Variants in SLC2A14 observed in about 807,000 individuals in gnomAD.
SLC2A14 encodes the protein solute carrier family 2, facilitated glucose transporter member 14.
A neutral mutation model predicts 43.0 loss-of-function variants in SLC2A14; 13 were observed. The observed-to-expected ratio is 0.30, with a 90% CI of 0.20 to 0.48. The LOEUF (loss-of-function observed/expected upper bound fraction) is 0.48. Among genes scored for constraint, SLC2A14 ranks in the 20% least tolerant of loss-of-function variants. The pLI, the probability that SLC2A14 is intolerant of heterozygous loss-of-function variation, is 0.99. For synonymous variants in SLC2A14, 190 were observed against 233.8 expected (o/e 0.81, Z 1.71); for missense variants, 428 against 620.4 (o/e 0.69, Z 3.29).
chr12:7,875,015 AATTATATATAAATACATATATAAAT>A, upstream of SLC2A14, among the ~76,000 whole-genome samples: 1 of 107,468 alleles, frequency 9.3e-6, no homozygotes, highest in South Asian at 2.7e-4. Flanking sequence ...CATATATAAA[AATTATATATAAATACATATATAAAT>A]ATATATTTAT....
chr12:7,844,789 G>A, intron 2 of SLC2A14, among the ~76,000 whole-genome samples: 1 of 152,072 alleles, frequency 6.6e-6, no homozygotes, highest in African/African-American at 2.4e-5. Flanking sequence ...ACCCGCCTTG[G>A]CCTCCCAAAG....
intron 2 of SLC2A14, among the ~76,000 whole-genome samples, chr12:7,860,147 T>G (rs554834341): frequency 9.9e-5 from 15 of 152,152 alleles, no homozygotes; most frequent in African/African-American, 3.4e-4. Context: ...CTCCCAGTAC[T>G]GGCCCTGGAG....
chr12:7,858,973 A>G (rs1324720877), intron 2 of SLC2A14, among the ~76,000 whole-genome samples: 2 of 152,144 alleles, frequency 1.3e-5, no homozygotes, highest in African/African-American at 2.4e-5. Flanking sequence ...TAATTTTTGT[A>G]TACAGTATGA....
At chr12:7,881,459 A>G (rs971929420) in intron 1 of SLC2A14, among the ~76,000 whole-genome samples, 3 of 152,050 alleles carry the variant, frequency 2.0e-5, no homozygotes, top group Non-Finnish European at 4.4e-5. Flanking sequence ...TGGGTTCCCC[A>G]GCAGTGCCGG....
chr12:7,882,270 AAC>A (rs1377466314), intron 1 of SLC2A14, among the ~76,000 whole-genome samples: 1 of 148,018 alleles, frequency 6.8e-6, no homozygotes, highest in Non-Finnish European at 1.5e-5. Context: ...AGAGAGCTGT[AAC>A]ACTCACCGTG....
At chr12:7,838,311 C>G (rs1303223680) in intron 2 of SLC2A14, among the ~76,000 whole-genome samples, 3 of 151,486 alleles carry the variant, frequency 2.0e-5, no homozygotes, top group Non-Finnish European at 4.4e-5. Flanking sequence ...TGGTCTTGAA[C>G]TCCTGACCTT....
chr12:7,873,459 T>C (rs1945346668), upstream of SLC2A14: 2 of 611,438 alleles, frequency 3.3e-6, no homozygotes, highest in South Asian at 7.1e-5. Context: ...CTGGCCAACA[T>C]GGCGAAACCC....
rs975525949 is a variant in SLC2A14 at position 7,827,659 on chromosome 12, G to T, written c.700C>A (p.Gln234Lys). Residue 234 changes from glutamine to lysine, a missense_variant, in exon 7 of 11, where the codon CAG (glutamine) becomes AAG (lysine). Gln to Lys is a moderately conservative substitution (Grantham distance 53). Coordinates refer to ENST00000431042, the MANE Select transcript of SLC2A14 (RefSeq NM_001286234.2). ...TRILQRLWGT[Q>K]DVSQDIQEMK... ...TCCTGGATGTCTTGGGATACATCCT[G>T]GGTGCCCCACAACCGCTGGAGGACT... is the stretch of plus-strand genomic sequence containing the variant. 7.4e-6 allele frequency: 12 copies of T among 1,611,296 alleles called. No homozygotes were observed. Among genetic ancestry groups the T allele is most frequent in the East Asian group, 6.7e-5 (3 of 44,798 alleles).
intron 2 of SLC2A14, among the ~76,000 whole-genome samples, chr12:7,864,983 T>C (rs765931832): frequency 3.3e-5 from 5 of 152,188 alleles, no homozygotes; most frequent in African/African-American, 9.6e-5. Flanking sequence ...TCTCGCTTTA[T>C]TGCATTTTGC....
chr12:7,869,143 TC>T (rs1945092785), intron 2 of SLC2A14, among the ~76,000 whole-genome samples: 1 of 133,472 alleles, frequency 7.5e-6, no homozygotes, highest in African/African-American at 2.9e-5. Context: ...AAACTCCATC[TC>T]AAAAAAAAAA....
rs1029431395 is a variant in SLC2A14 at position 7,869,144 on chromosome 12, C to CA, written c.18+718dup. On this transcript the variant is annotated intron_variant, in intron 2 of 10. Transcript: ENST00000431042. ...GGGCAACAAGAGTGAAACTCCATCT[C>CA]AAAAAAAAAAAAAACAGTGTTGACT... Among the ~76,000 whole-genome samples, 1,075 of 116,966 alleles carry CA rather than the reference C, an allele frequency of 9.2e-3. 8 individuals are homozygous for CA. The highest frequency in any genetic ancestry group is 0.024 in the African/African-American group (743 of 30,632). 76.7% of individuals were successfully genotyped at this position (116,966 alleles called of 152,430 possible).
upstream of SLC2A14, among the ~76,000 whole-genome samples, chr12:7,874,742 T>C (rs1294609357): frequency 7.3e-5 from 6 of 82,372 alleles, no homozygotes; most frequent in African/African-American, 2.7e-4. Flanking sequence ...TATATAAAAA[T>C]ATATATAAAT....
At position 7,813,684 on chromosome 12, in the gene SLC2A14, A is replaced by T. The variant is rs1863199328; in HGVS notation, c.*632T>A. The T allele has an allele frequency of 6.5e-6, 1 of 153,172 alleles. No individual in the cohort carries two copies. The highest frequency in any genetic ancestry group is 2.4e-5 in the African/African-American group (1 of 41,428). 9.5% of individuals were successfully genotyped at this position (153,172 alleles called of 1,614,324 possible). Reference sequence around the variant, plus strand: ...CAATAATGAACAACATTTCTCCCTGAATTCTTATTGCACCTTAACCTCTCC... The same window carrying T: ...CAATAATGAACAACATTTCTCCCTGTATTCTTATTGCACCTTAACCTCTCC... On this transcript the variant is annotated 3_prime_UTR_variant, in exon 11 of 11. Transcript: ENST00000431042.
upstream of SLC2A14, among the ~76,000 whole-genome samples, chr12:7,875,521 TA>T (rs923723403): frequency 3.3e-5 from 5 of 150,606 alleles, no homozygotes; most frequent in African/African-American, 9.8e-5. Context: ...AAAAAAAAAT[TA>T]AAAAAAATTA....
chr12:7,865,875 A>G (rs1944877374), intron 2 of SLC2A14, among the ~76,000 whole-genome samples: 1 of 152,142 alleles, frequency 6.6e-6, no homozygotes, highest in Non-Finnish European at 1.5e-5. Context: ...AATACCAAGG[A>G]AAAGTTCTTG....
At chr12:7,835,944 T>A (rs1267027504) in intron 2 of SLC2A14, among the ~76,000 whole-genome samples, 1 of 152,172 alleles carries the variant, frequency 6.6e-6, no homozygotes, top group Non-Finnish European at 1.5e-5. Context: ...AAATGTTGAT[T>A]TTCCTGTCTA....
intron 2 of SLC2A14, among the ~76,000 whole-genome samples, chr12:7,842,864 G>T (rs930193629): frequency 2.6e-5 from 4 of 151,850 alleles, no homozygotes; most frequent in African/African-American, 9.7e-5. Context: ...GAGTAGCTGT[G>T]ATTACAGCCA....
Position 7,872,905 on chromosome 12 carries a change from G to A in SLC2A14, c.-156C>T. On this transcript the variant is annotated 5_prime_UTR_variant, in exon 1 of 11. Transcript: ENST00000431042. ...CGCCGGCCCCGCCTGCAGCCGTTGG[G>A]ACCCACTAACTGCCTCGAAAAGCCT... The A allele has an allele frequency of 8.1e-6, 8 of 985,550 alleles. No homozygotes were observed. The highest frequency in any genetic ancestry group is 9.6e-6 in the Non-Finnish European group (8 of 830,078). 61.1% of individuals were successfully genotyped at this position (985,550 alleles called of 1,614,324 possible).
At chr12:7,866,379 G>T (rs1198385791) in intron 2 of SLC2A14, among the ~76,000 whole-genome samples, 1 of 151,846 alleles carries the variant, frequency 6.6e-6, no homozygotes, top group Non-Finnish European at 1.5e-5. Flanking sequence ...TTTTTACTTT[G>T]AGATGGAGTC....
Sources: allele counts gnomAD v4.1 joint callset (sites outside exome capture counted in the v4.1 genomes callset), GRCh38; gene constraint gnomAD v4.1.1; transcripts MANE v1.5; gene names NCBI Gene and HGNC (gene_info 2026-07-23, HGNC 2026-07-21).